The following ETS1 variants were observed in gnomAD, a reference collection of about 807,000 sequenced individuals.
ETS1 encodes the protein protein C-ets-1.
A neutral mutation model predicts 58.6 loss-of-function variants in ETS1; 15 were observed. That is an observed-to-expected ratio of 0.26 (90% CI 0.17 to 0.39). The LOEUF (loss-of-function observed/expected upper bound fraction) is 0.39, where lower values mean the gene tolerates loss of function less well. Ranked by LOEUF, ETS1 falls within the 10% of genes least tolerant of loss-of-function variation. ETS1 has a pLI of 1.00. For missense variants in ETS1, 417 were observed against 610.5 expected (o/e 0.68, Z 3.34); for synonymous variants, 214 against 218.2 (o/e 0.98, Z 0.17).
At chr11:128,557,118 C>T (rs886369946) in intron 2 of ETS1, among the ~76,000 whole-genome samples, 1 of 152,160 alleles carries the variant, frequency 6.6e-6, no homozygotes, top group Non-Finnish European at 1.5e-5. Context: ...GGCTTTGAAG[C>T]CAGGTATACA....
At chr11:128,476,383 A>G (rs1862323652) in intron 8 of ETS1, among the ~76,000 whole-genome samples, 1 of 152,262 alleles carries the variant, frequency 6.6e-6, no homozygotes, top group East Asian at 1.9e-4. Flanking sequence ...GCAATAACCA[A>G]GGAGTACTCT....
rs1565363089 is a variant in ETS1, at chr11:128,463,491, A to G, written c.1242+18T>C. Reference sequence around the variant, plus strand: ...CATCCTTCCTCAACACAGTACTCGCAAGCCCCTCCTTCCTTACCTCATCTG... The same window carrying G: ...CATCCTTCCTCAACACAGTACTCGCGAGCCCCTCCTTCCTTACCTCATCTG... On this transcript the variant is annotated intron_variant, in intron 9 of 9. Coordinates refer to ENST00000392668, the MANE Select transcript of ETS1 (RefSeq NM_001143820.2). The surrounding 1 kb of genome is among the most constrained non-coding windows in gnomAD (Gnocchi z 4.1). The G allele has an allele frequency of 2.2e-6, 3 of 1,372,632 alleles. No homozygotes were observed. Among genetic ancestry groups the G allele is most frequent in the Admixed American group, 1.7e-5 (1 of 59,628 alleles). 85.0% of individuals were successfully genotyped at this position (1,372,632 alleles called of 1,614,324 possible).
At chr11:128,563,686 T>C (rs1202748693) in intron 2 of ETS1, among the ~76,000 whole-genome samples, 1 of 152,232 alleles carries the variant, frequency 6.6e-6, no homozygotes, top group Non-Finnish European at 1.5e-5. Flanking sequence ...TGTGGGTCTG[T>C]GACATACAAT....
At chr11:128,581,740 G>A (rs1229692073) in intron 1 of ETS1, among the ~76,000 whole-genome samples, 1 of 152,116 alleles carries the variant, frequency 6.6e-6, no homozygotes, top group East Asian at 1.9e-4. Flanking sequence ...GAAGAGACTA[G>A]CATTTTAAAG....
chr11:128,554,741 G>A (rs909987384), intron 3 of ETS1, among the ~76,000 whole-genome samples: 1 of 151,704 alleles, frequency 6.6e-6, no homozygotes, highest in Non-Finnish European at 1.5e-5. Flanking sequence ...TTAAAGCAAG[G>A]CAGCTTTAAT....
intron 6 of ETS1, 40 bp downstream of exon 6, chr11:128,486,029 T>C: frequency 7.9e-7 from 1 of 1,258,686 alleles, no homozygotes; most frequent in South Asian, 1.2e-5. Flanking sequence ...TTTCCTAGTT[T>C]GCTATTATCA....
At chr11:128,536,531 C>A (rs867014632) in intron 3 of ETS1, 1 of 152,126 alleles carries the variant, frequency 6.6e-6, no homozygotes, top group African/African-American at 2.4e-5. Flanking sequence ...CTGTAGAGAT[C>A]TTAAGAGCTT....
intron 7 of ETS1, among the ~76,000 whole-genome samples, chr11:128,483,797 C>T (rs1240278589): frequency 6.6e-6 from 1 of 152,222 alleles, no homozygotes. Flanking sequence ...ATAGGCACCG[C>T]ATATGGTCAG....
chr11:128,577,757 C>T (rs1864780022), intron 1 of ETS1, among the ~76,000 whole-genome samples: 1 of 152,124 alleles, frequency 6.6e-6, no homozygotes, highest in Non-Finnish European at 1.5e-5. Flanking sequence ...TGCACCCAAA[C>T]AGGTCTCATG....
chr11:128,508,893 A>C (rs2135495624), intron 3 of ETS1, among the ~76,000 whole-genome samples: 1 of 152,304 alleles, frequency 6.6e-6, no homozygotes, highest in East Asian at 1.9e-4. Flanking sequence ...AAAACACTGA[A>C]AATATTTTCT....
rs1346170327 is a variant in ETS1, at chr11:128,463,799, A to G, written c.1124-172T>C. The stretch of plus-strand genomic sequence containing the variant: ...GGAAGTGTTATGAGCTCGAACAGAT[A>G]GAAAAGACAAAGGCCTCCCTATAAA... On this transcript the variant is annotated intron_variant, in intron 8 of 9. Transcript: ENST00000392668. The surrounding 1 kb of genome is among the most constrained non-coding windows in gnomAD (Gnocchi z 4.1). 4 of 494,264 alleles carry G rather than the reference A, an allele frequency of 8.1e-6. No individual in the cohort carries two copies. Among genetic ancestry groups the G allele is most frequent in the African/African-American group, 5.8e-5 (3 of 51,386 alleles). The allele number at this position is 494,264 out of a possible 1,614,324, so 30.6% of individuals were successfully genotyped here. A position where few individuals can be genotyped will look rare whatever the true frequency, so the allele number is the denominator to read the frequency against.
Position 128,585,183 on chromosome 11 carries a change from AAAGAAGG to A in ETS1, c.-15+2298_-15+2304del, listed in dbSNP as rs373738183. ...AAGAAAGAAAGAGAAAGAAAGAAAG[AAAGAAGG>A]AAGGAAAGAAAGAAAGAAAGAAAGA... On this transcript the variant is annotated intron_variant, in intron 1 of 9. Coordinates refer to ENST00000392668, the MANE Select transcript of ETS1 (RefSeq NM_001143820.2). Among the ~76,000 whole-genome samples the A allele has an allele frequency of 2.7e-4, 14 of 51,188 alleles. 1 individual carries two copies. Among genetic ancestry groups the A allele is most frequent in the South Asian group, 1.2e-3 (2 of 1,730 alleles). The allele number at this position is 51,188 out of a possible 152,430, so 33.6% of individuals were successfully genotyped here.
At chr11:128,504,075 G>A (rs1052119652) in intron 3 of ETS1, among the ~76,000 whole-genome samples, 1 of 152,246 alleles carries the variant, frequency 6.6e-6, no homozygotes, top group East Asian at 1.9e-4. Flanking sequence ...AATAATTGTG[G>A]GGACCCAGCT....
At chr11:128,585,243 A>AAAGAAAGAAAGG (rs1865005002) in intron 1 of ETS1, among the ~76,000 whole-genome samples, 1 of 149,370 alleles carries the variant, frequency 6.7e-6, no homozygotes, top group South Asian at 2.2e-4. Flanking sequence ...AGAAAGAAAG[A>AAAGAAAGAAAGG]AAAAGAAAGG....
At chr11:128,535,092 G>A (rs1056568020) in intron 3 of ETS1, among the ~76,000 whole-genome samples, 1 of 152,084 alleles carries the variant, frequency 6.6e-6, no homozygotes, top group Non-Finnish European at 1.5e-5. Flanking sequence ...AGTATCTGTT[G>A]TTTCTTGACT....
At position 128,463,573 on chromosome 11, in the gene ETS1, G is replaced by A. The variant is rs1861957648; in HGVS notation, c.1178C>T (p.Ser393Phe). 6.2e-7 allele frequency: 1 copy of A among 1,613,102 alleles called. No individual in the cohort carries two copies. Among genetic ancestry groups the A allele is most frequent in the Non-Finnish European group, 8.5e-7 (1 of 1,179,214 alleles). Residue 393 changes from serine (S) to phenylalanine (F), a missense_variant, in exon 9 of 10, where the codon TCC becomes TTC. Transcript: ENST00000392668. This position sits in a 1 kb window ranked among gnomAD's most constrained non-coding sequence, Gnocchi z 4.1. ...TGTCCAGCTGATAAAAGACTGACAG[G>A]ATTTATCAGTGAGTAATTCCAGAAG... ...QFLLELLTDK[S>F]CQSFISWTGD...
In ETS1 at chr11:128,556,271, G is replaced by C; in HGVS notation, c.214+20C>G. ...TCCTTCAACTCTATCCTCATTCCCA[G>C]CTTTTGTTTATGTTCCTACCTGAGA... is the stretch of plus-strand genomic sequence containing the variant. On this transcript the variant is annotated intron_variant, in intron 3 of 9. Coordinates refer to ENST00000392668, the MANE Select transcript of ETS1 (RefSeq NM_001143820.2). 8.2e-6 allele frequency: 13 copies of C among 1,591,518 alleles called. No individual in the cohort carries two copies. Among genetic ancestry groups the C allele is most frequent in the Non-Finnish European group, 1.1e-5 (13 of 1,171,082 alleles).
intron 3 of ETS1, chr11:128,522,372 G>C (rs897920653): frequency 3.0e-6 from 3 of 990,004 alleles, no homozygotes; most frequent in Non-Finnish European, 3.6e-6. Flanking sequence ...GGCGTTTCTC[G>C]CGGCGCCGCG....
intron 3 of ETS1, among the ~76,000 whole-genome samples, chr11:128,548,247 G>A (rs1487093179): frequency 6.6e-6 from 1 of 150,716 alleles, no homozygotes; most frequent in Non-Finnish European, 1.5e-5. Flanking sequence ...TTACAGTAAT[G>A]TATGAAAAGG....
Sources: gnomAD v4.1 joint callset for allele counts (sites outside exome capture counted in the v4.1 genomes callset) on GRCh38, gnomAD v4.1.1 for gene constraint, Gnocchi (gnomAD v3.1) non-coding constraint, MANE v1.5 for transcripts, NCBI Gene and HGNC (gene_info 2026-07-23, HGNC 2026-07-21) for gene names.